SDC2: variants seen among roughly 807,000 people sequenced by gnomAD.
The protein encoded by SDC2 is syndecan-2.
A neutral mutation model predicts 22.2 loss-of-function variants in SDC2; 13 were observed. That is an observed-to-expected ratio of 0.59 (90% confidence interval 0.38 to 0.93). The LOEUF is 0.93. Among genes scored for constraint, SDC2 ranks in the 40% least tolerant of loss-of-function variants. SDC2 has a pLI of 0.00. For missense variants in SDC2, 235 were observed against 246.8 expected (o/e 0.95, Z 0.32); for synonymous variants, 94 against 92.8 (o/e 1.01, Z -0.07).
rs1158622364 is a variant in SDC2, at chr8:96,497,325, G to T, written c.60+2994G>T. Among the ~76,000 whole-genome samples the T allele has an allele frequency of 2.6e-5, 4 of 152,208 alleles. No individual in the cohort carries two copies. The East Asian group carries it at 5.8e-4, about 22-fold the overall frequency. ...TTGCTAGGGAATTTTATAAAAACAAGGGCTCTTTCTCTCTTAGTTGGGTAT... is the reference window on the plus strand; with the variant it reads ...TTGCTAGGGAATTTTATAAAAACAATGGCTCTTTCTCTCTTAGTTGGGTAT... On this transcript the variant is annotated intron_variant, in intron 1 of 4. Coordinates refer to ENST00000302190, the MANE Select transcript of SDC2 (RefSeq NM_002998.4).
In SDC2 at chr8:96,550,164, G is replaced by A. The variant is rs140324160; in HGVS notation, c.61-43316G>A. ...AAATGAAAATCAAAATGAAAACAGG[G>A]TGGTTTTCCTAGCCTCTCACTAGGA... On this transcript the variant is annotated intron_variant, in intron 1 of 4. Coordinates refer to ENST00000302190, the MANE Select transcript of SDC2 (RefSeq NM_002998.4). Among the ~76,000 whole-genome samples the A allele has an allele frequency of 3.4e-4, 51 of 152,234 alleles. 2 individuals are homozygous for A. Among genetic ancestry groups the A allele is most frequent in the African/African-American group, 1.2e-3 (48 of 41,522 alleles).
chr8:96,505,823 G>A (rs183909577), intron 1 of SDC2, among the ~76,000 whole-genome samples: 2 of 152,270 alleles, frequency 1.3e-5, no homozygotes, highest in Admixed American at 6.5e-5. Flanking sequence ...AGCCAACAAA[G>A]GACAAAGCTC....
intron 2 of SDC2, among the ~76,000 whole-genome samples, chr8:96,597,808 G>C (rs1284069551): frequency 6.6e-6 from 1 of 152,178 alleles, no homozygotes; most frequent in East Asian, 1.9e-4. Flanking sequence ...GTACATGGGA[G>C]AACAGGCACC....
chr8:96,527,401 G>A (rs1431842935), intron 1 of SDC2, among the ~76,000 whole-genome samples: 1 of 152,166 alleles, frequency 6.6e-6, no homozygotes, highest in Non-Finnish European at 1.5e-5. Context: ...GTGGGTGCAT[G>A]ACACTGATCT....
chr8:96,530,076 G>T (rs1813636539), intron 1 of SDC2, among the ~76,000 whole-genome samples: 1 of 152,124 alleles, frequency 6.6e-6, no homozygotes, highest in Non-Finnish European at 1.5e-5. Context: ...TTTACTTTGA[G>T]ATAAACACTA....
intron 1 of SDC2, among the ~76,000 whole-genome samples, chr8:96,531,473 T>A (rs1327724351): frequency 2.0e-5 from 3 of 152,164 alleles, no homozygotes; most frequent in Non-Finnish European, 4.4e-5. Context: ...AAATTAAGAT[T>A]ACGATGCTAA....
intron 1 of SDC2, among the ~76,000 whole-genome samples, chr8:96,558,118 A>G (rs770022951): frequency 8.5e-5 from 13 of 152,260 alleles, no homozygotes; most frequent in Non-Finnish European, 1.3e-4. Flanking sequence ...TGAGAAGATT[A>G]TAAGTGTAGG....
At chr8:96,576,791 C>T (rs1814513057) in intron 1 of SDC2, among the ~76,000 whole-genome samples, 4 of 152,044 alleles carry the variant, frequency 2.6e-5, no homozygotes, top group Admixed American at 1.3e-4. Context: ...GATCAGGATA[C>T]TTGACCCCTG....
At chr8:96,498,488 T>C (rs1416596603) in intron 1 of SDC2, among the ~76,000 whole-genome samples, 2 of 151,616 alleles carry the variant, frequency 1.3e-5, no homozygotes, top group Non-Finnish European at 2.9e-5. Flanking sequence ...TTTTTCCTCT[T>C]GAGATGGAGT....
intron 1 of SDC2, among the ~76,000 whole-genome samples, chr8:96,555,836 C>T (rs560857520): frequency 2.0e-5 from 3 of 152,214 alleles, no homozygotes; most frequent in East Asian, 1.9e-4. Context: ...AGTTGGGGCA[C>T]CCATACAAAC....
chr8:96,581,155 G>A (rs553935982), intron 1 of SDC2, among the ~76,000 whole-genome samples: 2 of 152,192 alleles, frequency 1.3e-5, no homozygotes, highest in Non-Finnish European at 2.9e-5. Context: ...ATTGTCACTA[G>A]TAAATTACTA....
chr8:96,525,030 G>A (rs1240418063), intron 1 of SDC2, among the ~76,000 whole-genome samples: 3 of 152,152 alleles, frequency 2.0e-5, no homozygotes, highest in African/African-American at 7.2e-5. Flanking sequence ...GAATAATTGG[G>A]TCACAATAAT....
intron 1 of SDC2, among the ~76,000 whole-genome samples, chr8:96,563,990 T>C (rs1488288770): frequency 6.6e-6 from 1 of 152,212 alleles, no homozygotes; most frequent in African/African-American, 2.4e-5. Flanking sequence ...AGCTGCCAAT[T>C]AACAAACTAC....
chr8:96,603,907 A>G (rs1000061744), intron 3 of SDC2, among the ~76,000 whole-genome samples: 2 of 152,224 alleles, frequency 1.3e-5, no homozygotes, highest in African/African-American at 2.4e-5. Flanking sequence ...GGATCCATGC[A>G]TAAAAGCTAC....
At chr8:96,504,377 C>T (rs560531188) in intron 1 of SDC2, among the ~76,000 whole-genome samples, 1 of 152,314 alleles carries the variant, frequency 6.6e-6, no homozygotes, top group South Asian at 2.1e-4. Context: ...CCCAGGTTCA[C>T]TGTGTACTCT....
At chr8:96,539,218 T>C (rs536834295) in intron 1 of SDC2, among the ~76,000 whole-genome samples, 1 of 152,364 alleles carries the variant, frequency 6.6e-6, no homozygotes, top group East Asian at 1.9e-4. Context: ...CTTCATGAAT[T>C]GTCAGATTCT....
chr8:96,548,332 A>G (rs558418061), intron 1 of SDC2, among the ~76,000 whole-genome samples: 3 of 152,324 alleles, frequency 2.0e-5, no homozygotes, highest in Non-Finnish European at 4.4e-5. Flanking sequence ...AAAATCTGAA[A>G]TGCTCCAAAA....
In SDC2 at chr8:96,578,054, T is replaced by A. The variant is rs1013685473; in HGVS notation, c.61-15426T>A. ...AGTTGTTTGATAAATAGTCATTAAA[T>A]GACCTAGTTAGATGGACTGCTTAAT... On this transcript the variant is annotated intron_variant, in intron 1 of 4. Coordinates refer to ENST00000302190, the MANE Select transcript of SDC2 (RefSeq NM_002998.4). Among the ~76,000 whole-genome samples the A allele has an allele frequency of 2.0e-5, 3 of 152,378 alleles. No individual in the cohort carries two copies. In the South Asian group the frequency reaches 6.2e-4, roughly 32 times the overall value.
chr8:96,506,294 CAG>C (rs767033381), intron 1 of SDC2, among the ~76,000 whole-genome samples: 2 of 152,134 alleles, frequency 1.3e-5, no homozygotes, highest in African/African-American at 2.4e-5. Flanking sequence ...ATATTTCTAT[CAG>C]GGGAGAAAGT....
Sources: gnomAD v4.1 joint callset for allele counts (sites outside exome capture counted in the v4.1 genomes callset) on GRCh38, gnomAD v4.1.1 for gene constraint, MANE v1.5 for transcripts, NCBI Gene and HGNC (gene_info 2026-07-23, HGNC 2026-07-21) for gene names.